HRH2: variants seen among roughly 807,000 people sequenced by gnomAD.
The protein encoded by HRH2 is histamine H2 receptor.
Under a neutral mutation model 20.1 loss-of-function variants are expected in HRH2, and 4 were observed. That is an observed-to-expected ratio of 0.20 (90% CI 0.10 to 0.45). The LOEUF (loss-of-function observed/expected upper bound fraction) is 0.45. Among genes scored for constraint, HRH2 ranks in the 20% least tolerant of loss-of-function variants. The pLI is 0.99. For missense variants in HRH2, 250 were observed against 461.6 expected (o/e 0.54, Z 4.20); for synonymous variants, 197 against 200.7 (o/e 0.98, Z 0.16).
chr5:175,688,996 G>C (rs900593475), intron 2 of HRH2, among the ~76,000 whole-genome samples: 3 of 152,154 alleles, frequency 2.0e-5, no homozygotes, highest in Non-Finnish European at 4.4e-5. Context: ...GCCTTTGCCT[G>C]TGGCTTCAAT....
At chr5:175,698,010 C>A (rs773035841) in intron 2 of HRH2, among the ~76,000 whole-genome samples, 5 of 152,238 alleles carry the variant, frequency 3.3e-5, no homozygotes, top group Non-Finnish European at 7.3e-5. Context: ...GGTGCATGCC[C>A]ACCCACACTC....
intron 1 of HRH2, among the ~76,000 whole-genome samples, chr5:175,669,364 C>CTTTTTTTT (rs33964139): frequency 7.5e-6 from 1 of 133,132 alleles, no homozygotes; most frequent in Non-Finnish European, 1.6e-5. Flanking sequence ...TTCTTTCTTT[C>CTTTTTTTT]TTTTTTTTTT....
At chr5:175,674,208 G>A (rs1422874554) in intron 1 of HRH2, among the ~76,000 whole-genome samples, 1 of 152,186 alleles carries the variant, frequency 6.6e-6, no homozygotes, top group Non-Finnish European at 1.5e-5. Context: ...CTGGTTTCAT[G>A]CCTTCTGCGG....
chr5:175,706,260 T>C (rs945561609), intron 2 of HRH2, among the ~76,000 whole-genome samples: 15 of 152,240 alleles, frequency 9.9e-5, no homozygotes, highest in Non-Finnish European at 2.9e-5. Flanking sequence ...ATATGTGTTT[T>C]ATATAGCGTC....
At position 175,702,691 on chromosome 5, in the gene HRH2, G is replaced by A. The variant is rs549630095; in HGVS notation, c.1077-5088G>A. Among the ~76,000 whole-genome samples, 5 of 149,234 alleles carry A rather than the reference G, an allele frequency of 3.4e-5. No homozygotes were observed. The South Asian group carries it at 1.1e-3, about 32-fold the overall frequency. ...CTCAACCTCCTGAGTAGCTAGGACT[G>A]CAGGCACCCGCCACCACGCCTGGCT... On this transcript the variant is annotated intron_variant, in intron 2 of 2. Transcript: ENST00000636584.
intron 1 of HRH2, among the ~76,000 whole-genome samples, chr5:175,670,932 A>G (rs73806104): frequency 0.033 from 4,980 of 152,360 alleles, 272 homozygotes; most frequent in African/African-American, 0.11. Flanking sequence ...GCACACAGAC[A>G]TGGGCCCTGC....
chr5:175,697,729 A>G (rs1259925129), intron 2 of HRH2, among the ~76,000 whole-genome samples: 1 of 152,168 alleles, frequency 6.6e-6, no homozygotes, highest in African/African-American at 2.4e-5. Flanking sequence ...GCCAGATCAC[A>G]TACAAATTCC....
At chr5:175,690,534 TCTGTCTGC>T (rs1490907985) in intron 2 of HRH2, among the ~76,000 whole-genome samples, 3 of 150,720 alleles carry the variant, frequency 2.0e-5, no homozygotes, top group African/African-American at 7.5e-5. Flanking sequence ...CTTGTTCCTG[TCTGTCTGC>T]CTGCCTGCCT....
At chr5:175,673,480 T>C (rs895314566) in intron 1 of HRH2, among the ~76,000 whole-genome samples, 2 of 152,050 alleles carry the variant, frequency 1.3e-5, no homozygotes, top group African/African-American at 4.8e-5. Context: ...AAGACAAGTC[T>C]ACAGAGACAG....
chr5:175,703,115 TTAGGACACTGTCAC>T (rs1463824228), intron 2 of HRH2, among the ~76,000 whole-genome samples: 4 of 152,304 alleles, frequency 2.6e-5, no homozygotes, highest in African/African-American at 9.6e-5. Context: ...CACAAAGCGC[TTAGGACACTGTCAC>T]TAATAACTAG....
chr5:175,687,052 A>T lies in HRH2; in HGVS notation c.1076+2743A>T, dbSNP rs1756196874. On this transcript the variant is annotated intron_variant, in intron 2 of 2. Transcript: ENST00000636584. This position sits in a 1 kb window ranked among gnomAD's most constrained non-coding sequence, Gnocchi z 5.2. The stretch of plus-strand genomic sequence containing the variant: ...TGCATGCAGCCGTGGAGGCAGGGCC[A>T]GATCCGAGTCCAGAGCCCATGCTCC... 6.6e-6 allele frequency among the ~76,000 whole-genome samples: 1 copy of T among 152,144 alleles called. No homozygotes were observed. Among genetic ancestry groups the T allele is most frequent in the Non-Finnish European group, 1.5e-5 (1 of 68,016 alleles).
chr5:175,694,464 T>A (rs1177060962), intron 2 of HRH2, among the ~76,000 whole-genome samples: 3 of 152,124 alleles, frequency 2.0e-5, no homozygotes, highest in Non-Finnish European at 2.9e-5. Context: ...TCCTGGGCTC[T>A]CCCTGGCCCT....
chr5:175,676,045 G>A (rs1382756787), intron 1 of HRH2, among the ~76,000 whole-genome samples: 3 of 152,134 alleles, frequency 2.0e-5, no homozygotes, highest in South Asian at 2.1e-4. Flanking sequence ...ACTCAGCATC[G>A]GCACACTTTT....
intron 2 of HRH2, among the ~76,000 whole-genome samples, chr5:175,694,493 C>A (rs1250081269): frequency 1.3e-5 from 2 of 152,172 alleles, no homozygotes; most frequent in African/African-American, 4.8e-5. Context: ...CCAGCTACAT[C>A]CCCCTGCAGG....
intron 1 of HRH2, among the ~76,000 whole-genome samples, chr5:175,671,145 A>G (rs1755522940): frequency 6.6e-6 from 1 of 152,234 alleles, no homozygotes; most frequent in Non-Finnish European, 1.5e-5. Flanking sequence ...CTGTGCACAG[A>G]AGCCTCTGAG....
In HRH2 at chr5:175,667,172, G is replaced by A. The variant is rs1008189084; in HGVS notation, c.-526+9017G>A. 4.0e-4 allele frequency among the ~76,000 whole-genome samples: 61 copies of A among 152,048 alleles called. 2 individuals are homozygous for A. The highest frequency in any genetic ancestry group is 3.9e-4 in the East Asian group (2 of 5,176). ...ATAAAGAAATGTGCTGGCTGGGTGC[G>A]GTGGCTCATGTCTGTAATTCCAGCA... On this transcript the variant is annotated intron_variant, in intron 1 of 2. Coordinates refer to ENST00000636584, the MANE Select transcript of HRH2 (RefSeq NM_001367711.1).
chr5:175,684,273 G>A lies in HRH2; in HGVS notation c.1040G>A (p.Gly347Glu). Residue 347 changes from glycine (G) to glutamate (E), a missense_variant, in exon 2 of 3, where the codon GGG becomes GAG. Physicochemically the swap from Gly to Glu is moderately conservative, Grantham distance 98. This residue lies in a region of HRH2 where 55 missense variants were observed against 66.9 expected (regional missense o/e 0.82). Transcript: ENST00000636584. Reference protein sequence around the residue: ...EKPLKLQVWSGTEVTAPQGAT... With the variant: ...EKPLKLQVWSETEVTAPQGAT... ...CCCCTGAAGCTCCAGGTGTGGAGTG[G>A]GACAGAAGTCACGGCCCCCCAGGGA... The A allele has an allele frequency of 6.2e-7, 1 of 1,614,108 alleles. No individual in the cohort carries two copies. The highest frequency in any genetic ancestry group is 8.5e-7 in the Non-Finnish European group (1 of 1,180,002).
intron 1 of HRH2, among the ~76,000 whole-genome samples, chr5:175,659,236 G>C (rs1025543851): frequency 6.6e-6 from 1 of 152,150 alleles, no homozygotes; most frequent in Admixed American, 6.5e-5. Flanking sequence ...TTTTTGTCCT[G>C]TGAAGACTCC....
At chr5:175,679,293 A>T (rs34208328) in intron 1 of HRH2, among the ~76,000 whole-genome samples, 10,030 of 149,342 alleles carry the variant, frequency 0.067, 512 homozygotes, top group East Asian at 0.15. Context: ...CAATGGGATT[A>T]AAAAAACACC....
Sources: gnomAD v4.1 joint callset for allele counts (sites outside exome capture counted in the v4.1 genomes callset) on GRCh38, gnomAD v4.1.1 for gene constraint, gnomAD v4.1.1 regional missense constraint, Gnocchi (gnomAD v3.1) non-coding constraint, MANE v1.5 for transcripts, NCBI Gene and HGNC (gene_info 2026-07-23, HGNC 2026-07-21) for gene names.